CLVS1: variants seen among roughly 807,000 people sequenced by gnomAD.
CLVS1 encodes clavesin 1.
In CLVS1, 10 loss-of-function variants were observed where a neutral mutation model predicts 33.1. The ratio of observed to expected loss-of-function variants is 0.30; its 90% CI spans 0.19 to 0.51. CLVS1 has a LOEUF of 0.51. CLVS1 is among the 20% of genes least tolerant of loss of function. CLVS1 has a pLI of 0.97. For synonymous variants in CLVS1, 163 were observed against 166.1 expected (o/e 0.98, Z 0.14); for missense variants, 343 against 433.4 (o/e 0.79, Z 1.85).
At chr8:61,010,927 A>G in the CLVS1 span, among the ~76,000 whole-genome samples, 2 of 152,196 alleles carry the variant, frequency 1.3e-5, no homozygotes, top group African/African-American at 2.4e-5. Flanking sequence ...GTGCATCCCT[A>G]CATTTCATGC....
chr8:61,065,479 G>T (rs576528440), intron 1 of CLVS1, among the ~76,000 whole-genome samples: 159 of 152,292 alleles, frequency 1.0e-3, no homozygotes, highest in Non-Finnish European at 1.7e-3. Context: ...CCACATAAAA[G>T]GTGAAGGGAG....
intron 2 of CLVS1, among the ~76,000 whole-genome samples, chr8:61,361,300 A>G (rs1812969360): frequency 3.3e-5 from 5 of 152,192 alleles, no homozygotes; most frequent in African/African-American, 1.2e-4. Context: ...ATGATGACTA[A>G]TGTGTCAGGG....
the CLVS1 span, among the ~76,000 whole-genome samples, chr8:60,981,048 C>T: frequency 1.6e-3 from 246 of 152,254 alleles, 1 homozygote; most frequent in Admixed American, 4.1e-3. Flanking sequence ...TTCTCTAGAG[C>T]CTCCAAATGG....
chr8:61,394,156 T>G (rs1814422628), intron 3 of CLVS1, among the ~76,000 whole-genome samples: 1 of 152,186 alleles, frequency 6.6e-6, no homozygotes, highest in Admixed American at 6.5e-5. Context: ...AGACCAGCCT[T>G]GCCAACATGG....
intron 1 of CLVS1, among the ~76,000 whole-genome samples, chr8:61,064,239 C>T (rs1035846194): frequency 1.3e-5 from 2 of 152,128 alleles, no homozygotes; most frequent in Non-Finnish European, 2.9e-5. Context: ...TGGGTATATA[C>T]CTAGGAGTGG....
intron 1 of CLVS1, among the ~76,000 whole-genome samples, chr8:61,098,944 T>G (rs1805401139): frequency 6.6e-6 from 1 of 152,172 alleles, no homozygotes; most frequent in African/African-American, 2.4e-5. Context: ...GAAAGAGATT[T>G]GTATATTGAT....
At chr8:61,325,147 G>A (rs549090190) in intron 2 of CLVS1, among the ~76,000 whole-genome samples, 2 of 151,848 alleles carry the variant, frequency 1.3e-5, no homozygotes, top group African/African-American at 4.8e-5. Flanking sequence ...TGGGCTCCTG[G>A]TTCTCCCCTC....
At chr8:61,033,642 G>A in the CLVS1 span, among the ~76,000 whole-genome samples, 23 of 152,198 alleles carry the variant, frequency 1.5e-4, no homozygotes, top group Admixed American at 1.4e-3. Context: ...GCCATGGTCT[G>A]GAACAGCCTG....
At chr8:61,446,835 T>A (rs1432528484) in intron 3 of CLVS1, among the ~76,000 whole-genome samples, 1 of 152,020 alleles carries the variant, frequency 6.6e-6, no homozygotes, top group East Asian at 1.9e-4. Flanking sequence ...AAGGTTTTTT[T>A]TTTTTTTGGC....
At chr8:61,010,688 C>T in the CLVS1 span, among the ~76,000 whole-genome samples, 1 of 152,180 alleles carries the variant, frequency 6.6e-6, no homozygotes, top group African/African-American at 2.4e-5. Flanking sequence ...TATGAGTATC[C>T]ACCATACCTG....
At chr8:61,096,029 C>T (rs1180962577) in intron 1 of CLVS1, among the ~76,000 whole-genome samples, 2 of 152,162 alleles carry the variant, frequency 1.3e-5, no homozygotes, top group Non-Finnish European at 2.9e-5. Context: ...GAAATGTGAT[C>T]GTGCTGGCAA....
At chr8:61,371,244 G>A (rs1158928464) in intron 2 of CLVS1, among the ~76,000 whole-genome samples, 1 of 152,116 alleles carries the variant, frequency 6.6e-6, no homozygotes, top group East Asian at 1.9e-4. Flanking sequence ...GATAATTGGT[G>A]ATGTTGAGCA....
chr8:61,036,249 A>C, the CLVS1 span, among the ~76,000 whole-genome samples: 1 of 152,244 alleles, frequency 6.6e-6, no homozygotes, highest in East Asian at 1.9e-4. Context: ...AGGTCTTCTG[A>C]AACTCAAAAA....
intron 2 of CLVS1, among the ~76,000 whole-genome samples, chr8:61,223,645 G>T (rs1435987646): frequency 6.6e-6 from 1 of 152,112 alleles, no homozygotes; most frequent in East Asian, 1.9e-4. Flanking sequence ...AGAATCTGAT[G>T]ATTATGTGTC....
intron 2 of CLVS1, among the ~76,000 whole-genome samples, chr8:61,152,489 G>A (rs1806560079): frequency 6.6e-6 from 1 of 152,180 alleles, no homozygotes; most frequent in Admixed American, 6.5e-5. Flanking sequence ...CGTTTGTATG[G>A]AGAAAGCTGC....
intron 2 of CLVS1, among the ~76,000 whole-genome samples, chr8:61,192,632 C>T (rs1807514632): frequency 6.6e-6 from 1 of 151,992 alleles, no homozygotes; most frequent in South Asian, 2.1e-4. Flanking sequence ...TGACAAAGGG[C>T]TAATATCCAG....
chr8:60,995,913 C>CA, the CLVS1 span, among the ~76,000 whole-genome samples: 2 of 151,898 alleles, frequency 1.3e-5, no homozygotes, highest in Non-Finnish European at 2.9e-5. Flanking sequence ...ATCACAAGAA[C>CA]AAAAAACCAA....
chr8:61,148,563 T>C (rs1338657898), intron 2 of CLVS1, among the ~76,000 whole-genome samples: 2 of 152,114 alleles, frequency 1.3e-5, no homozygotes, highest in Non-Finnish European at 2.9e-5. Flanking sequence ...GGCTGAGAGA[T>C]TAATAATGGA....
chr8:61,049,685 C>A, the CLVS1 span, among the ~76,000 whole-genome samples: 1 of 152,192 alleles, frequency 6.6e-6, no homozygotes. Flanking sequence ...CACATGATTA[C>A]ACCAAGAAAG....
Sources: gnomAD v4.1 joint callset for allele counts (sites outside exome capture counted in the v4.1 genomes callset) on GRCh38, gnomAD v4.1.1 for gene constraint, MANE v1.5 for transcripts, NCBI Gene and HGNC (gene_info 2026-07-23, HGNC 2026-07-21) for gene names.